Variants in DLC1 observed in about 807,000 individuals in gnomAD.
DLC1 encodes DLC1 Rho GTPase activating protein.
Under a neutral mutation model 140.3 loss-of-function variants are expected in DLC1, and 54 were observed. That is an observed-to-expected ratio of 0.38 (90% confidence interval 0.31 to 0.48). The LOEUF is 0.48. DLC1 is among the 20% of genes least tolerant of loss of function. The pLI is 0.96. For missense variants in DLC1, 2,536 were observed against 1,907.0 expected (o/e 1.33, Z -6.14); for synonymous variants, 986 against 728.1 (o/e 1.35, Z -5.70).
In DLC1 at chr8:13,085,273, C is replaced by T. The variant is rs13264171; in HGVS notation, c.*538G>A. The T allele has an allele frequency of 6.5e-6, 1 of 152,884 alleles. No individual in the cohort carries two copies. The highest frequency in any genetic ancestry group is 2.1e-4 in the South Asian group (1 of 4,836). The allele number at this position is 152,884 out of a possible 1,614,324, so 9.5% of individuals were successfully genotyped here. ...CTGAACCTGATGCATCAATCTCCTTCTTGGAGGTGTCTCAGTGTGCCAGAC... is the reference window on the plus strand; with the variant it reads ...CTGAACCTGATGCATCAATCTCCTTTTTGGAGGTGTCTCAGTGTGCCAGAC... On this transcript the variant is annotated 3_prime_UTR_variant, in exon 18 of 18. Coordinates refer to ENST00000276297, the MANE Select transcript of DLC1 (RefSeq NM_182643.3).
intron 4 of DLC1, among the ~76,000 whole-genome samples, chr8:13,358,299 A>G (rs73548910): frequency 0.062 from 9,449 of 152,274 alleles, 370 homozygotes; most frequent in Non-Finnish European, 0.086. Context: ...AACCTGAAGA[A>G]CCACGAAAGC....
intron 4 of DLC1, among the ~76,000 whole-genome samples, chr8:13,334,183 G>C (rs1392639818): frequency 6.6e-6 from 1 of 152,128 alleles, no homozygotes; most frequent in East Asian, 1.9e-4. Flanking sequence ...TGAATAACCA[G>C]GAGATAGCAT....
intron 5 of DLC1, among the ~76,000 whole-genome samples, chr8:13,303,369 A>G (rs922322531): frequency 3.3e-5 from 5 of 152,206 alleles, no homozygotes; most frequent in Admixed American, 2.0e-4. Context: ...TCAGCCATAT[A>G]GAAATGACTC....
chr8:13,194,428 T>C (rs1826934615), intron 5 of DLC1, among the ~76,000 whole-genome samples: 1 of 152,214 alleles, frequency 6.6e-6, no homozygotes, highest in Non-Finnish European at 1.5e-5. Flanking sequence ...CTTGCATTTT[T>C]GTAAAGAATG....
At chr8:13,119,201 G>C (rs1413474654) in intron 5 of DLC1, among the ~76,000 whole-genome samples, 1 of 146,988 alleles carries the variant, frequency 6.8e-6, no homozygotes, top group Non-Finnish European at 1.5e-5. Flanking sequence ...GCATTCCAAC[G>C]TGAGCAACAG....
At position 13,419,098 on chromosome 8, in the gene DLC1, C is replaced by G. The variant is rs568213200; in HGVS notation, c.1024-17479G>C. 4.6e-5 allele frequency among the ~76,000 whole-genome samples: 7 copies of G among 152,230 alleles called. No homozygotes were observed. In the South Asian group the frequency reaches 1.2e-3, roughly 27 times the overall value. ...AGACTTTGCTGAAGTTGCTTATCAG[C>G]TTAAGGAGATTTTGGGCTGATACAA... On this transcript the variant is annotated intron_variant, in intron 2 of 17. Coordinates refer to ENST00000276297, the MANE Select transcript of DLC1 (RefSeq NM_182643.3).
chr8:13,369,978 G>C (rs1835659655), intron 4 of DLC1, among the ~76,000 whole-genome samples: 1 of 150,942 alleles, frequency 6.6e-6, no homozygotes, highest in Admixed American at 6.6e-5. Context: ...TGAGGTCTTT[G>C]GGACTGGTCA....
intron 5 of DLC1, among the ~76,000 whole-genome samples, chr8:13,160,541 A>C (rs1824610711): frequency 6.6e-6 from 1 of 152,158 alleles, no homozygotes; most frequent in South Asian, 2.1e-4. Flanking sequence ...ACTTCACTCC[A>C]TAAGGCGAGC....
At chr8:13,429,694 C>G (rs752805236) in intron 2 of DLC1, among the ~76,000 whole-genome samples, 2 of 152,132 alleles carry the variant, frequency 1.3e-5, no homozygotes, top group Non-Finnish European at 2.9e-5. Flanking sequence ...TGGCAGCAAC[C>G]TTGCATTTCT....
chr8:13,130,268 G>T (rs568789249), intron 5 of DLC1, among the ~76,000 whole-genome samples: 1 of 152,182 alleles, frequency 6.6e-6, no homozygotes, highest in African/African-American at 2.4e-5. Context: ...TGATTGGAAG[G>T]CATCTCAACT....
chr8:13,184,200 C>G (rs1264209373), intron 5 of DLC1, among the ~76,000 whole-genome samples: 1 of 152,000 alleles, frequency 6.6e-6, no homozygotes. Flanking sequence ...TTTGATTCTT[C>G]TCTCTTTTCT....
At chr8:13,167,244 A>C (rs908231140) in intron 5 of DLC1, among the ~76,000 whole-genome samples, 2 of 152,122 alleles carry the variant, frequency 1.3e-5, no homozygotes, top group East Asian at 3.9e-4. Flanking sequence ...ACTAAAGTTG[A>C]CTCTGCTCAA....
In DLC1 at chr8:13,100,414, G is replaced by C. The variant is rs1818953614; in HGVS notation, c.1923C>G (p.Pro641=). The change falls in exon 9 of 18, where the codon CCC becomes CCG. Residue 641 remains proline (P), a synonymous_variant. Coordinates refer to ENST00000276297, the MANE Select transcript of DLC1 (RefSeq NM_182643.3). ...AGNDDSFGSL[P]SPKELSSFSF... ...TGAAGCTGGACAGTTCCTTGGGAGA[G>C]GGCAGGCTGCCGAAAGAGTCGTCAT... 6.2e-7 allele frequency: 1 copy of C among 1,614,172 alleles called. No homozygotes were observed. Among genetic ancestry groups the C allele is most frequent in the Non-Finnish European group, 8.5e-7 (1 of 1,180,040 alleles).
At position 13,490,317 on chromosome 8, in the gene DLC1, G is replaced by GA. The variant is rs532741316; in HGVS notation, c.1023+8731dup. The stretch of plus-strand genomic sequence containing the variant: ...TATGTCAATACAGAACTAGAACTAA[G>GA]AAAAAAGTTTATTTCTCCCAGTTAC... On this transcript the variant is annotated intron_variant, in intron 2 of 17. Transcript: ENST00000276297. Among the ~76,000 whole-genome samples, 20 of 152,266 alleles carry GA rather than the reference G, an allele frequency of 1.3e-4. No homozygotes were observed. In the East Asian group the frequency reaches 3.9e-3, roughly 29 times the overall value.
chr8:13,466,451 G>A lies in DLC1; in HGVS notation c.1023+32598C>T, dbSNP rs975573354. ...CTGGCCAGAGCTCTCCTACAGAGTC[G>A]CTATCTTGGTAGAAATAAAGAGAAC... On this transcript the variant is annotated intron_variant, in intron 2 of 17. Transcript: ENST00000276297. Among the ~76,000 whole-genome samples, 8 of 152,152 alleles carry A rather than the reference G, an allele frequency of 5.3e-5. No homozygotes were observed. The South Asian group carries it at 1.0e-3, about 20-fold the overall frequency.
chr8:13,250,933 G>A (rs945401278), intron 5 of DLC1, among the ~76,000 whole-genome samples: 2 of 152,080 alleles, frequency 1.3e-5, no homozygotes, highest in Non-Finnish European at 2.9e-5. Context: ...AATACTAAAA[G>A]AAAATTCAGT....
chr8:13,279,870 A>G (rs939426953), intron 5 of DLC1, among the ~76,000 whole-genome samples: 7 of 152,184 alleles, frequency 4.6e-5, no homozygotes, highest in Non-Finnish European at 1.0e-4. Flanking sequence ...CCAGTTTTCT[A>G]TGACTCTGAG....
intron 1 of DLC1, among the ~76,000 whole-genome samples, chr8:13,524,638 C>T (rs910602282): frequency 1.3e-5 from 2 of 151,966 alleles, no homozygotes; most frequent in African/African-American, 4.8e-5. Flanking sequence ...AGAACAGTTC[C>T]ATCTCTTAAA....
In DLC1 at chr8:13,579,363, T is replaced by A. The variant is rs7017701; in HGVS notation, c.-126+25174A>T. 2.6e-3 allele frequency among the ~76,000 whole-genome samples: 100 copies of A among 38,166 alleles called. 9 individuals are homozygous for A. Among genetic ancestry groups the A allele is most frequent in the African/African-American group, 4.4e-3 (26 of 5,898 alleles). 25.0% of individuals were successfully genotyped at this position (38,166 alleles called of 152,430 possible). On this transcript the variant is annotated intron_variant, in intron 1 of 1. Coordinates refer to the DLC1 transcript ENST00000631382. ...TATATATATATATATATATATATAT[T>A]TTTATATAATACATATTTATATATT...
Sources: allele counts gnomAD v4.1 joint callset (sites outside exome capture counted in the v4.1 genomes callset), GRCh38; gene constraint gnomAD v4.1.1; transcripts MANE v1.5; gene names NCBI Gene and HGNC (gene_info 2026-07-23, HGNC 2026-07-21).